The following STAB1 variants were observed in gnomAD, a reference collection of about 807,000 sequenced individuals.
The protein encoded by STAB1 is stabilin 1, also known as stabilin-1.
A neutral mutation model predicts 332.4 loss-of-function variants in STAB1; 250 were observed. The observed-to-expected ratio is 0.75, with a 90% confidence interval of 0.68 to 0.84. The LOEUF is 0.84. Among genes scored for constraint, STAB1 ranks in the 40% least tolerant of loss-of-function variants. STAB1 has a pLI of 0.00. For missense variants in STAB1, 3,249 were observed against 3,489.7 expected (o/e 0.93, Z 1.74); for synonymous variants, 1,475 against 1,390.4 (o/e 1.06, Z -1.35).
Position 52,512,905 on chromosome 3 carries a change from C to T in STAB1, c.3105C>T (p.Ser1035=). The change falls in exon 29 of 69, where the codon AGC becomes AGT. Residue 1035 remains serine (S), a synonymous_variant. Transcript: ENST00000321725. The stretch of plus-strand genomic sequence containing the variant: ...CCGAGGCTGCAGTCCGTCAGCTGAG[C>T]CCCGAGGACCGAGCTTTCTGGCTGC... The part of the protein sequence containing the change: ...VPSEAAVRQL[S]PEDRAFWLQP... The T allele has an allele frequency of 6.2e-7, 1 of 1,612,098 alleles. No individual in the cohort carries two copies. Among genetic ancestry groups the T allele is most frequent in the Non-Finnish European group, 8.5e-7 (1 of 1,179,872 alleles).
chr3:52,498,676 A>G (rs1424420922), intron 1 of STAB1, among the ~76,000 whole-genome samples: 1 of 152,112 alleles, frequency 6.6e-6, no homozygotes, highest in African/African-American at 2.4e-5. Flanking sequence ...AGAGCTGACC[A>G]CCATTCCTCC....
At chr3:52,516,812 G>C in intron 41 of STAB1, 44 bp downstream of exon 41, 4 of 1,595,442 alleles carry the variant, frequency 2.5e-6, no homozygotes, top group Non-Finnish European at 3.4e-6. Context: ...AAATTTTGGG[G>C]TGGCTGTCCC....
At chr3:52,518,687 G>T (rs781227155) in intron 47 of STAB1, 36 bp from the exon 48 acceptor site, 2 of 1,611,876 alleles carry the variant, frequency 1.2e-6, no homozygotes, top group Non-Finnish European at 1.7e-6. Flanking sequence ...TGAGGCGGCA[G>T]TCAGGGACCC....
Position 52,523,929 on chromosome 3 carries a change from C to T in STAB1, c.7454C>T (p.Ala2485Val), listed in dbSNP as rs140945548. ...GCGGCAGGCGTGGGGGCTGTGCTTG[C>T]CGCTGGAGCACTGCTTGGCTTGGTG... is the stretch of plus-strand genomic sequence containing the variant. ...PVAAGVGAVL[A>V]AGALLGLVAG... Residue 2485 changes from alanine to valine, a missense_variant, in exon 67 of 69, where the codon GCC becomes GTC. Transcript: ENST00000321725. The T allele has an allele frequency of 4.2e-4, 684 of 1,609,942 alleles. 3 individuals carry two copies. The African/African-American group carries it at 7.8e-3, about 18-fold the overall frequency.
rs1709303934 is a variant in STAB1 at position 52,511,631 on chromosome 3, C to T, written c.2788-19C>T. The T allele has an allele frequency of 6.3e-7, 1 of 1,598,276 alleles. No homozygotes were observed. Among genetic ancestry groups the T allele is most frequent in the Non-Finnish European group, 8.5e-7 (1 of 1,170,428 alleles). On this transcript the variant is annotated intron_variant, in intron 25 of 68. Coordinates refer to ENST00000321725, the MANE Select transcript of STAB1 (RefSeq NM_015136.3). ...GATGCTCATCATGAGACAAGGCCGTCTGTTCCTAACCTTTCCAGAGCCGAT... is the reference window on the plus strand; with the variant it reads ...GATGCTCATCATGAGACAAGGCCGTTTGTTCCTAACCTTTCCAGAGCCGAT...
intron 2 of STAB1, 128 bp downstream of exon 2, chr3:52,501,430 G>C: frequency 7.0e-7 from 1 of 1,433,340 alleles, no homozygotes; most frequent in Non-Finnish European, 9.5e-7. Flanking sequence ...GGCCCCACCT[G>C]GGTGGTGGAG....
intron 22 of STAB1, among the ~76,000 whole-genome samples, chr3:52,509,635 T>C (rs1350463592): frequency 6.6e-6 from 1 of 152,210 alleles, no homozygotes; most frequent in African/African-American, 2.4e-5. Context: ...CTGAAGAACT[T>C]CCTGATGGTG....
chr3:52,508,988 T>C (rs1024396323), intron 21 of STAB1, among the ~76,000 whole-genome samples: 3 of 152,222 alleles, frequency 2.0e-5, no homozygotes, highest in Non-Finnish European at 4.4e-5. Flanking sequence ...AGGAGTTATG[T>C]GTTTCTGCAT....
At chr3:52,502,811 G>A in intron 6 of STAB1, 84 bp downstream of exon 6, 1 of 1,451,272 alleles carries the variant, frequency 6.9e-7, no homozygotes, top group Admixed American at 1.9e-5. Flanking sequence ...GATGGGGCCT[G>A]AGCCTCAGCA....
In STAB1 at chr3:52,524,108, T is replaced by C. The variant is rs1575378890; in HGVS notation, c.7551T>C (p.Asp2517=). The C allele has an allele frequency of 1.2e-6, 2 of 1,613,616 alleles. No individual in the cohort carries two copies. The highest frequency in any genetic ancestry group is 1.7e-6 in the Non-Finnish European group (2 of 1,180,012). Residue 2517 remains aspartate, a synonymous_variant, in exon 68 of 69, where the codon GAT becomes GAC. Transcript: ENST00000321725. ...GFGFSAFQAE[D]DADDDFSPWQ... ...CCCTCTGCTGCTCCCAGGCGGAAGA[T>C]GATGCTGATGACGACTTCTCACCGT...
rs1171388052 is a variant in STAB1, at chr3:52,505,703, G to A, written c.1617G>A (p.Gly539=). The A allele has an allele frequency of 1.2e-6, 2 of 1,613,810 alleles. No homozygotes were observed. Among genetic ancestry groups the A allele is most frequent in the African/African-American group, 2.7e-5 (2 of 75,064 alleles). The change falls in exon 15 of 69, where the codon GGG becomes GGA. Residue 539 remains glycine (G), a synonymous_variant. Transcript: ENST00000321725. ...CGLPSILDGP[G]PFTVFAPSNE... is the part of the protein sequence containing the mutation. The stretch of plus-strand genomic sequence containing the variant: ...TGCCCTCCATCCTGGACGGACCTGG[G>A]CCCTTCACAGTCTTTGCCCCAAGCA...
chr3:52,522,125 G>A lies in STAB1; in HGVS notation c.6360G>A (p.Leu2120=). 1 of 1,613,036 alleles carries A rather than the reference G, an allele frequency of 6.2e-7. No individual in the cohort carries two copies. The highest frequency in any genetic ancestry group is 2.2e-5 in the East Asian group (1 of 44,884). The change falls in exon 59 of 69, where the codon CTG becomes CTA. Residue 2120 remains leucine (L), a synonymous_variant. Transcript: ENST00000321725. ...GAACAATGGTCACTTGTACCTGCCT[G>A]CCCGACTACGAGGGTGATGGCTGGA... ...QVGTMVTCTC[L]PDYEGDGWSC...
chr3:52,502,261 G>T, intron 5 of STAB1, 33 bp downstream of exon 5: 1 of 1,601,622 alleles, frequency 6.2e-7, no homozygotes, highest in Non-Finnish European at 8.5e-7. Context: ...GGCACGGCCA[G>T]CGTCCACCTG....
intron 13 of STAB1, 72 bp downstream of exon 13, chr3:52,505,215 T>C: frequency 1.9e-6 from 3 of 1,603,552 alleles, no homozygotes; most frequent in Middle Eastern, 1.7e-4. Flanking sequence ...GAGCAGTGAG[T>C]GGGCAGGAGC....
chr3:52,517,374 T>A lies in STAB1; in HGVS notation c.4544T>A (p.Ile1515Asn). The change falls in exon 43 of 69, where the codon ATC becomes AAC. Residue 1515 changes from isoleucine (I) to asparagine (N), a missense_variant. Coordinates refer to ENST00000321725, the MANE Select transcript of STAB1 (RefSeq NM_015136.3). ...HGGCHIHAEC[I>N]PTGPQQVSCS... Reference sequence around the variant, plus strand: ...GGCTGCCACATTCACGCCGAGTGCATCCCCACTGGCCCCCAGCAGGTCAGC... The same window carrying A: ...GGCTGCCACATTCACGCCGAGTGCAACCCCACTGGCCCCCAGCAGGTCAGC... 6.2e-7 allele frequency: 1 copy of A among 1,604,702 alleles called. No homozygotes were observed. The highest frequency in any genetic ancestry group is 8.5e-7 in the Non-Finnish European group (1 of 1,176,080).
Position 52,501,259 on chromosome 3 carries a change from G to A in STAB1, c.172G>A (p.Gly58Ser), listed in dbSNP as rs1255964195. The A allele has an allele frequency of 1.2e-6, 2 of 1,613,674 alleles. No individual in the cohort carries two copies. Among genetic ancestry groups the A allele is most frequent in the Non-Finnish European group, 1.7e-6 (2 of 1,180,014 alleles). Residue 58 changes from glycine to serine, a missense_variant, in exon 2 of 69, where the codon GGC (glycine) becomes AGC (serine). Coordinates refer to ENST00000321725, the MANE Select transcript of STAB1 (RefSeq NM_015136.3). ...CATCAAGAAGCAGACGTGTCCCTCA[G>A]GCTGGCTGCGGGAGCTCCCGGATCA... ...AAIKKQTCPS[G>S]WLRELPDQIT...
intron 15 of STAB1, 21 bp downstream of exon 15, chr3:52,505,802 G>A: frequency 6.2e-7 from 1 of 1,613,842 alleles, no homozygotes; most frequent in Non-Finnish European, 8.5e-7. Context: ...CGGGAGAAGG[G>A]GCTGCGGGTA....
chr3:52,520,360 C>T (rs184039514), intron 52 of STAB1, 40 bp from the exon 53 acceptor site: 279 of 1,612,768 alleles, frequency 1.7e-4, no homozygotes, highest in South Asian at 9.9e-5. Flanking sequence ...AGCTGGAGTG[C>T]ACCTGCGACC....
chr3:52,522,914 G>C lies in STAB1; in HGVS notation c.6884G>C (p.Trp2295Ser). 1 of 1,613,336 alleles carries C rather than the reference G, an allele frequency of 6.2e-7. No homozygotes were observed. The highest frequency in any genetic ancestry group is 8.5e-7 in the Non-Finnish European group (1 of 1,179,990). ...LGARKNLSERWDAYCFRVQDV... is the reference protein window; with the variant it reads ...LGARKNLSERSDAYCFRVQDV... The stretch of plus-strand genomic sequence containing the variant: ...GCCCGCAAGAACCTCTCAGAACGCT[G>C]GGATGCCTACTGCTTCCGTGTGCAA... The change falls in exon 62 of 69, where the codon TGG (tryptophan) becomes TCG (serine). Residue 2295 changes from tryptophan to serine, a missense_variant. Physicochemically the swap from Trp to Ser is radical, Grantham distance 177. Coordinates refer to ENST00000321725, the MANE Select transcript of STAB1 (RefSeq NM_015136.3).
Sources: allele counts gnomAD v4.1 joint callset (sites outside exome capture counted in the v4.1 genomes callset), GRCh38; gene constraint gnomAD v4.1.1; transcripts MANE v1.5; gene names NCBI Gene and HGNC (gene_info 2026-07-23, HGNC 2026-07-21).